The following PSMA1 variants were observed in gnomAD, a reference collection of about 807,000 sequenced individuals.
The protein encoded by PSMA1 is proteasome 20S subunit alpha 1.
In PSMA1, 3 loss-of-function variants were observed where a neutral mutation model predicts 38.4. The observed-to-expected ratio is 0.08, with a 90% confidence interval of 0.04 to 0.20. The LOEUF (loss-of-function observed/expected upper bound fraction) is 0.20, where lower values mean the gene tolerates loss of function less well. Ranked by LOEUF, PSMA1 falls within the 10% of genes least tolerant of loss-of-function variation. PSMA1 has a pLI of 1.00. For synonymous variants in PSMA1, 101 were observed against 107.1 expected (o/e 0.94, Z 0.35); for missense variants, 227 against 325.3 (o/e 0.70, Z 2.32).
chr11:14,622,685 G>A (rs12420146), intron 1 of PSMA1, among the ~76,000 whole-genome samples: 20,253 of 152,120 alleles, frequency 0.13, 1,577 homozygotes, highest in African/African-American at 0.21. Flanking sequence ...TTCTGGAGGC[G>A]GCGTATTCCA....
At chr11:14,513,477 T>G in intron 7 of PSMA1, 93 bp downstream of exon 7, 1 of 1,215,772 alleles carries the variant, frequency 8.2e-7, no homozygotes, top group Non-Finnish European at 1.0e-6. Context: ...CTATAAGACT[T>G]ACAGTTTTAT....
At chr11:14,574,976 A>G (rs1012324533) in intron 2 of PSMA1, among the ~76,000 whole-genome samples, 1 of 152,186 alleles carries the variant, frequency 6.6e-6, no homozygotes, top group Admixed American at 6.5e-5. Context: ...GGCTCAGAAG[A>G]AGAAAGGAAA....
chr11:14,571,535 A>G (rs1199745279), intron 2 of PSMA1, among the ~76,000 whole-genome samples: 1 of 151,912 alleles, frequency 6.6e-6, no homozygotes, highest in Non-Finnish European at 1.5e-5. Context: ...GAAAGGAACA[A>G]TCAGTACCAG....
At chr11:14,614,645 T>C (rs1852749855) in intron 1 of PSMA1, among the ~76,000 whole-genome samples, 1 of 152,244 alleles carries the variant, frequency 6.6e-6, no homozygotes, top group African/African-American at 2.4e-5. Flanking sequence ...GCTAGAAATT[T>C]GATTCTCATC....
rs77639183 is a variant in PSMA1 at position 14,625,019 on chromosome 11, G to A, written c.-165-13868C>T. Among the ~76,000 whole-genome samples the A allele has an allele frequency of 5.3e-3, 803 of 152,278 alleles. 5 individuals carry two copies. The highest frequency in any genetic ancestry group is 0.019 in the African/African-American group (780 of 41,554). ...GCCCAACTGCAGCAATGGGGCTCCA[G>A]TTCATCTCACTAACTTCCTTCTAAG... On this transcript the variant is annotated intron_variant, in intron 1 of 10. Coordinates refer to the PSMA1 transcript ENST00000418988.
intron 2 of PSMA1, among the ~76,000 whole-genome samples, chr11:14,540,126 A>G (rs1159158315): frequency 6.6e-6 from 1 of 152,026 alleles, no homozygotes; most frequent in Non-Finnish European, 1.5e-5. Flanking sequence ...GACCCTCTCT[A>G]CCCACCCAGC....
At position 14,504,944 on chromosome 11, in the gene PSMA1, A is replaced by G; in HGVS notation, c.*248T>C. On this transcript the variant is annotated 3_prime_UTR_variant, in exon 10 of 10. Coordinates refer to ENST00000396394, the MANE Select transcript of PSMA1 (RefSeq NM_002786.4). ...CCACAAAGACACCTATGTTCTTCATATAAAAACATTAGTATAGATACCCAT... is the reference window on the plus strand; with the variant it reads ...CCACAAAGACACCTATGTTCTTCATGTAAAAACATTAGTATAGATACCCAT... The G allele has an allele frequency of 2.5e-6, 1 of 406,974 alleles. No homozygotes were observed. Among genetic ancestry groups the G allele is most frequent in the Non-Finnish European group, 4.4e-6 (1 of 226,700 alleles). The allele number at this position is 406,974 out of a possible 1,614,324, so 25.2% of individuals were successfully genotyped here.
chr11:14,508,946 C>A (rs1251614149), intron 8 of PSMA1, among the ~76,000 whole-genome samples: 3 of 152,046 alleles, frequency 2.0e-5, no homozygotes, highest in African/African-American at 7.2e-5. Flanking sequence ...CTCCCAGTTG[C>A]TAAAGGTTAG....
intron 2 of PSMA1, among the ~76,000 whole-genome samples, chr11:14,551,212 T>C (rs2134168692): frequency 6.6e-6 from 1 of 152,348 alleles, no homozygotes; most frequent in South Asian, 2.1e-4. Flanking sequence ...TGGATGCTTC[T>C]GGTGTTTTGA....
rs1197927948 is a variant in PSMA1, at chr11:14,504,968, A to C, written c.*224T>G. ...TATAAAAACATTAGTATAGATACCCATACTTTCTAGAAAATGATTATACAG... is the reference window on the plus strand; with the variant it reads ...TATAAAAACATTAGTATAGATACCCCTACTTTCTAGAAAATGATTATACAG... On this transcript the variant is annotated 3_prime_UTR_variant, in exon 10 of 10. Transcript: ENST00000396394. 7.8e-6 allele frequency: 4 copies of C among 513,022 alleles called. No homozygotes were observed. The highest frequency in any genetic ancestry group is 1.4e-5 in the Non-Finnish European group (4 of 286,756). 31.8% of individuals were successfully genotyped at this position (513,022 alleles called of 1,614,324 possible).
chr11:14,577,226 T>C (rs1224620596), intron 2 of PSMA1, among the ~76,000 whole-genome samples: 1 of 152,162 alleles, frequency 6.6e-6, no homozygotes, highest in Non-Finnish European at 1.5e-5. Flanking sequence ...CCCTATAAGA[T>C]AGGTCACTAT....
Position 14,556,518 on chromosome 11 carries a change from G to A in PSMA1, c.22-37477C>T, listed in dbSNP as rs141087743. Among the ~76,000 whole-genome samples, 57 of 152,008 alleles carry A rather than the reference G, an allele frequency of 3.7e-4. No individual in the cohort carries two copies. In the East Asian group the frequency reaches 9.1e-3, roughly 24 times the overall value. On this transcript the variant is annotated intron_variant, in intron 2 of 10. Transcript: ENST00000418988. Reference sequence around the variant, plus strand: ...TTTTCATTCTGTATGAGGAATGAACGTCAACACAATAGGCCTTTTAAATCT... The same window carrying A: ...TTTTCATTCTGTATGAGGAATGAACATCAACACAATAGGCCTTTTAAATCT...
intron 1 of PSMA1, among the ~76,000 whole-genome samples, chr11:14,628,290 T>C (rs1738453913): frequency 2.9e-4 from 1 of 3,484 alleles, no homozygotes; most frequent in Non-Finnish European, 8.0e-4. Context: ...TAGCATTAGG[T>C]ATATCTCCCA....
chr11:14,559,563 A>C (rs1242305679), intron 2 of PSMA1, among the ~76,000 whole-genome samples: 1 of 152,198 alleles, frequency 6.6e-6, no homozygotes, highest in Non-Finnish European at 1.5e-5. Flanking sequence ...AAGGGGATAG[A>C]AAATGACCAC....
At chr11:14,535,724 C>T (rs1300554807) in intron 2 of PSMA1, among the ~76,000 whole-genome samples, 1 of 152,128 alleles carries the variant, frequency 6.6e-6, no homozygotes, top group Non-Finnish European at 1.5e-5. Flanking sequence ...GGATTACAGG[C>T]ATGAGCCACC....
upstream of PSMA1, chr11:14,520,534 C>A: frequency 7.3e-7 from 1 of 1,376,954 alleles, no homozygotes; most frequent in South Asian, 1.5e-5. Context: ...CTGAGACTGG[C>A]GGGAAAACCT....
At chr11:14,546,015 TC>T (rs1251168855) in intron 2 of PSMA1, among the ~76,000 whole-genome samples, 1 of 152,098 alleles carries the variant, frequency 6.6e-6, no homozygotes, top group African/African-American at 2.4e-5. Flanking sequence ...GTCTCTAGAC[TC>T]CTTTGGGGGG....
intron 7 of PSMA1, among the ~76,000 whole-genome samples, chr11:14,511,910 T>G (rs1198436147): frequency 2.0e-5 from 3 of 152,188 alleles, no homozygotes; most frequent in Non-Finnish European, 4.4e-5. Flanking sequence ...TCAGCAAGAT[T>G]GCAGGATATA....
At chr11:14,505,715 G>A (rs987312121) in intron 9 of PSMA1, among the ~76,000 whole-genome samples, 1 of 151,986 alleles carries the variant, frequency 6.6e-6, no homozygotes, top group Non-Finnish European at 1.5e-5. Context: ...GTAGAAAATA[G>A]TCTATTTGGT....
Sources: allele counts gnomAD v4.1 joint callset (sites outside exome capture counted in the v4.1 genomes callset), GRCh38; gene constraint gnomAD v4.1.1; transcripts MANE v1.5; gene names NCBI Gene and HGNC (gene_info 2026-07-23, HGNC 2026-07-21).